PRMT2: variants seen among roughly 807,000 people sequenced by gnomAD.
PRMT2 encodes protein arginine N-methyltransferase 2.
PRMT2 carries 26 observed loss-of-function variants against 57.6 expected under a neutral mutation model. That is an observed-to-expected ratio of 0.45 (90% confidence interval 0.33 to 0.63). PRMT2 has a LOEUF of 0.63. PRMT2 is among the 20% of genes least tolerant of loss of function. The probability of loss-of-function intolerance (pLI) is 0.02; values close to 1 mark genes in which losing one functional copy is unlikely to be tolerated. For synonymous variants in PRMT2, 219 were observed against 220.0 expected (o/e 1.00, Z 0.04); for missense variants, 472 against 564.4 (o/e 0.84, Z 1.66).
chr21:46,653,995 ATAGT>A (rs2061502871), intron 7 of PRMT2: 1 of 999,348 alleles, frequency 1.0e-6, no homozygotes, highest in Non-Finnish European at 1.2e-6. Context: ...AAAATGCAGC[ATAGT>A]TAATCAGCAG....
At chr21:46,652,687 A>G (rs1176948428) in intron 7 of PRMT2, 1 of 985,330 alleles carries the variant, frequency 1.0e-6, no homozygotes, top group Non-Finnish European at 1.2e-6. Context: ...AGAATAAGTC[A>G]AAGAGCATTA....
In PRMT2 at chr21:46,664,385, C is replaced by G. The variant is rs757401184; in HGVS notation, c.*58C>G. 1 of 1,610,768 alleles carries G rather than the reference C, an allele frequency of 6.2e-7. No individual in the cohort carries two copies. The highest frequency in any genetic ancestry group is 1.1e-5 in the South Asian group (1 of 91,002). ...TATCTTGAGGGGTGATGAACACAAG[C>G]AAACCAAGTTGCACCTGGCTTCTGC... On this transcript the variant is annotated 3_prime_UTR_variant, in exon 12 of 12. Transcript: ENST00000355680.
intron 7 of PRMT2, chr21:46,653,617 G>A: frequency 1.1e-5 from 13 of 1,177,304 alleles, no homozygotes; most frequent in Non-Finnish European, 1.4e-5. Context: ...TTTGCTTGAT[G>A]TTCATGTTTT....
intron 10 of PRMT2, among the ~76,000 whole-genome samples, chr21:46,662,330 G>A (rs80159617): frequency 0.07 from 10,669 of 152,270 alleles, 544 homozygotes; most frequent in Non-Finnish European, 0.1. Context: ...ACATTTCCCC[G>A]CCAGCACCCT....
In PRMT2 at chr21:46,644,525, C is replaced by T. The variant is rs369240568; in HGVS notation, c.327+37C>T. ...TAAATTCCCTGTTCAGCTGGCCAGG[C>T]GGTGGGTTCTCTCTAGCTTTAGTTC... On this transcript the variant is annotated intron_variant, in intron 5 of 11. Coordinates refer to ENST00000355680, the MANE Select transcript of PRMT2 (RefSeq NM_206962.4). The T allele has an allele frequency of 7.3e-5, 113 of 1,543,866 alleles. 1 individual carries two copies. The African/African-American group carries it at 8.3e-4, about 11-fold the overall frequency.
rs2061675230 is a variant in PRMT2 at position 46,664,478 on chromosome 21, A to G, written c.*151A>G. On this transcript the variant is annotated 3_prime_UTR_variant, in exon 12 of 12. Transcript: ENST00000355680. ...CCTCCCTAGCCTGGCAGGTGACGTC[A>G]GGGTCCTTCACAGACAAACACGCTT... 9.9e-7 allele frequency: 1 copy of G among 1,013,558 alleles called. No homozygotes were observed. The highest frequency in any genetic ancestry group is 1.5e-6 in the Non-Finnish European group (1 of 664,432). 62.8% of individuals were successfully genotyped at this position (1,013,558 alleles called of 1,614,324 possible). A position where few individuals can be genotyped will look rare whatever the true frequency, so the allele number is the denominator to read the frequency against.
At chr21:46,636,389 C>T (rs1234664491) in intron 1 of PRMT2, 50 bp from the exon 2 acceptor site, 2 of 152,450 alleles carry the variant, frequency 1.3e-5, no homozygotes, top group African/African-American at 4.8e-5. Context: ...GTGAAGCATG[C>T]ATTTTAAACA....
chr21:46,642,683 A>G (rs999793395), intron 3 of PRMT2, among the ~76,000 whole-genome samples: 3 of 152,160 alleles, frequency 2.0e-5, no homozygotes, highest in Non-Finnish European at 4.4e-5. Context: ...GTGTGATCTG[A>G]GGTTCTGCCC....
intron 3 of PRMT2, 39 bp from the exon 4 acceptor site, chr21:46,643,496 C>A: frequency 7.1e-7 from 1 of 1,407,418 alleles, no homozygotes. Flanking sequence ...AAAAAAAGCT[C>A]CAGCGTCCTC....
chr21:46,651,471 AG>A (rs764732795), intron 7 of PRMT2, among the ~76,000 whole-genome samples: 3 of 105,404 alleles, frequency 2.8e-5, no homozygotes, highest in Non-Finnish European at 6.2e-5. Flanking sequence ...GATGGCCTGG[AG>A]GGGCCACCCT....
Position 46,664,551 on chromosome 21 carries a change from C to G in PRMT2, c.*224C>G, listed in dbSNP as rs374343092. ...GCCACCCCCGCTGCCCAGTGTCTGC[C>G]CTCTAGAAGTAGGCTGTGTTTCCAG... On this transcript the variant is annotated 3_prime_UTR_variant, in exon 12 of 12. Coordinates refer to ENST00000355680, the MANE Select transcript of PRMT2 (RefSeq NM_206962.4). 8.2e-6 allele frequency: 5 copies of G among 607,362 alleles called. No individual in the cohort carries two copies. The highest frequency in any genetic ancestry group is 1.5e-5 in the Non-Finnish European group (5 of 340,196). The allele number at this position is 607,362 out of a possible 1,614,324, so 37.6% of individuals were successfully genotyped here. A position where few individuals can be genotyped will look rare whatever the true frequency, so the allele number is the denominator to read the frequency against.
intron 4 of PRMT2, among the ~76,000 whole-genome samples, chr21:46,643,884 A>G (rs1365375582): frequency 6.6e-6 from 1 of 152,190 alleles, no homozygotes; most frequent in Non-Finnish European, 1.5e-5. Context: ...TCTACTTGGA[A>G]TGTAGAACCC....
intron 9 of PRMT2, 81 bp from the exon 10 acceptor site, chr21:46,661,719 G>T: frequency 3.2e-6 from 4 of 1,241,834 alleles, no homozygotes; most frequent in African/African-American, 1.6e-5. Context: ...TCTGCGCGGG[G>T]CGCGTGGAGG....
intron 8 of PRMT2, chr21:46,659,170 A>T: frequency 8.1e-7 from 1 of 1,234,596 alleles, no homozygotes; most frequent in Non-Finnish European, 1.0e-6. Flanking sequence ...TGGCATTACG[A>T]TTAGGAGGGA....
chr21:46,640,104 T>A (rs1325827754), intron 3 of PRMT2, among the ~76,000 whole-genome samples: 1 of 152,230 alleles, frequency 6.6e-6, no homozygotes, highest in Non-Finnish European at 1.5e-5. Context: ...GTCTTTTTTT[T>A]AACTACTTCA....
intron 5 of PRMT2, among the ~76,000 whole-genome samples, chr21:46,647,981 A>T (rs1008267555): frequency 1.4e-4 from 21 of 151,722 alleles, no homozygotes; most frequent in African/African-American, 5.1e-4. Context: ...TTTTTTTTTT[A>T]AAGCATTTTC....
chr21:46,640,914 G>A (rs187936071), intron 3 of PRMT2, among the ~76,000 whole-genome samples: 2 of 151,058 alleles, frequency 1.3e-5, no homozygotes, highest in South Asian at 2.1e-4. Flanking sequence ...CTCTTGAGGC[G>A]CTGATCATAA....
Position 46,664,567 on chromosome 21 carries a change from G to A in PRMT2, c.*240G>A. The A allele has an allele frequency of 1.7e-6, 1 of 587,402 alleles. No individual in the cohort carries two copies. Among genetic ancestry groups the A allele is most frequent in the East Asian group, 2.8e-5 (1 of 35,118 alleles). 36.4% of individuals were successfully genotyped at this position (587,402 alleles called of 1,614,324 possible). On this transcript the variant is annotated 3_prime_UTR_variant, in exon 12 of 12. Coordinates refer to ENST00000355680, the MANE Select transcript of PRMT2 (RefSeq NM_206962.4). ...AGTGTCTGCCCTCTAGAAGTAGGCT[G>A]TGTTTCCAGGTGTTCACCCGTGGTG...
chr21:46,661,010 G>C, intron 9 of PRMT2, 48 bp downstream of exon 9: 1 of 1,575,424 alleles, frequency 6.3e-7, no homozygotes, highest in Non-Finnish European at 8.7e-7. Flanking sequence ...CAGTGACCAC[G>C]AAACACTCAG....
Sources: gnomAD v4.1 joint callset for allele counts (sites outside exome capture counted in the v4.1 genomes callset) on GRCh38, gnomAD v4.1.1 for gene constraint, MANE v1.5 for transcripts, NCBI Gene and HGNC (gene_info 2026-07-23, HGNC 2026-07-21) for gene names.